Variants in LMNB1 observed in about 807,000 individuals in gnomAD.
LMNB1 encodes lamin B1.
LMNB1 carries 23 observed loss-of-function variants against 67.1 expected under a neutral mutation model. The observed-to-expected ratio is 0.34, with a 90% CI of 0.25 to 0.49. The LOEUF (loss-of-function observed/expected upper bound fraction) is 0.49. Ranked by LOEUF, LMNB1 falls within the 20% of genes least tolerant of loss-of-function variation. The pLI is 0.99. For synonymous variants in LMNB1, 281 were observed against 282.9 expected (o/e 0.99, Z 0.07); for missense variants, 634 against 746.5 (o/e 0.85, Z 1.76).
At chr5:126,833,761 G>GT (rs3840361) in intron 10 of LMNB1, among the ~76,000 whole-genome samples, 1,768 of 152,308 alleles carry the variant, frequency 0.012, 26 homozygotes, top group South Asian at 0.065. Flanking sequence ...GTCAGCATGA[G>GT]TTATATAGCA....
At chr5:126,784,738 C>G (rs1750721545) in intron 1 of LMNB1, among the ~76,000 whole-genome samples, 1 of 151,238 alleles carries the variant, frequency 6.6e-6, no homozygotes, top group African/African-American at 2.4e-5. Context: ...TCACTGCAAG[C>G]TCCACCTCCC....
intron 3 of LMNB1, 90 bp downstream of exon 3, chr5:126,805,786 G>C (rs960457906): frequency 1.1e-5 from 11 of 994,542 alleles, no homozygotes; most frequent in Non-Finnish European, 1.1e-5. Context: ...TTTTATTTAT[G>C]ATTTCTTTGC....
intron 3 of LMNB1, among the ~76,000 whole-genome samples, chr5:126,809,706 A>T (rs1751537420): frequency 6.6e-6 from 1 of 152,174 alleles, no homozygotes; most frequent in Non-Finnish European, 1.5e-5. Context: ...AAGAAAAGAA[A>T]AGAAAATAGT....
intron 8 of LMNB1, among the ~76,000 whole-genome samples, chr5:126,824,767 T>C (rs1751953668): frequency 6.6e-6 from 1 of 152,192 alleles, no homozygotes; most frequent in African/African-American, 2.4e-5. Flanking sequence ...ATCTGGATGC[T>C]TCAGGGGAAC....
chr5:126,812,735 T>TC (rs1751609545), intron 5 of LMNB1, among the ~76,000 whole-genome samples: 2 of 97,486 alleles, frequency 2.1e-5, no homozygotes, highest in Non-Finnish European at 4.5e-5. Context: ...TTTTTTTTTT[T>TC]TTTTTTTCTT....
rs964031149 is a variant in LMNB1, at chr5:126,777,883, C to T, written c.359+16C>T. ...TGCTCCTCAAGTGAGTGCTAGCTGG[C>T]GGCCGCGTTAGCGCCAAGGAGGGGC... On this transcript the variant is annotated intron_variant, in intron 1 of 10. Coordinates refer to ENST00000261366, the MANE Select transcript of LMNB1 (RefSeq NM_005573.4). The T allele has an allele frequency of 5.8e-6, 8 of 1,380,452 alleles. No homozygotes were observed. Among genetic ancestry groups the T allele is most frequent in the Middle Eastern group, 2.7e-4 (1 of 3,740 alleles). The allele number at this position is 1,380,452 out of a possible 1,614,324, so 85.5% of individuals were successfully genotyped here.
rs529421977 is a variant in LMNB1, at chr5:126,807,618, A to G, written c.642+1922A>G. 3.3e-5 allele frequency among the ~76,000 whole-genome samples: 5 copies of G among 152,314 alleles called. No individual in the cohort carries two copies. In the South Asian group the frequency reaches 6.2e-4, roughly 19 times the overall value. ...TTGCTTTGTTAAAGCAGATATTTTG[A>G]TATGAGGTTGACTTACATTTTTGTT... On this transcript the variant is annotated intron_variant, in intron 3 of 10. Coordinates refer to ENST00000261366, the MANE Select transcript of LMNB1 (RefSeq NM_005573.4).
chr5:126,777,907 G>T, intron 1 of LMNB1, 40 bp downstream of exon 1: 1 of 1,381,614 alleles, frequency 7.2e-7, no homozygotes. Flanking sequence ...CCAAGGAGGG[G>T]CGGGGGCGCA....
In LMNB1 at chr5:126,819,149, AACTTAAGGGTCAC is replaced by A. The variant is rs1224113782; in HGVS notation, c.1160+8_1160+20del. ...TAGAAGGCGAAGAAGAGAGGTAAGG[AACTTAAGGGTCAC>A]CCTACCTTATGGTCCACTTTTTGCC... On this transcript the variant is annotated splice_region_variant and intron_variant, in intron 6 of 10. Coordinates refer to ENST00000261366, the MANE Select transcript of LMNB1 (RefSeq NM_005573.4). 1 of 1,602,376 alleles carries A rather than the reference AACTTAAGGGTCAC, an allele frequency of 6.2e-7. No individual in the cohort carries two copies. The highest frequency in any genetic ancestry group is 1.7e-5 in the Admixed American group (1 of 59,864).
At chr5:126,794,857 A>G (rs904390267) in intron 1 of LMNB1, among the ~76,000 whole-genome samples, 2 of 152,178 alleles carry the variant, frequency 1.3e-5, no homozygotes, top group Admixed American at 6.5e-5. Flanking sequence ...CTCCTGTAAT[A>G]TATTTGTTTT....
intron 5 of LMNB1, among the ~76,000 whole-genome samples, chr5:126,814,877 A>AG (rs1257878277): frequency 6.6e-6 from 1 of 152,096 alleles, no homozygotes; most frequent in Non-Finnish European, 1.5e-5. Flanking sequence ...CCTGGCTGCA[A>AG]GTTTTTTTTG....
At position 126,784,695 on chromosome 5, in the gene LMNB1, G is replaced by A. The variant is rs1362838061; in HGVS notation, c.359+6828G>A. 3.5e-5 allele frequency among the ~76,000 whole-genome samples: 5 copies of A among 141,092 alleles called. No homozygotes were observed. In the East Asian group the frequency reaches 1.0e-3, roughly 30 times the overall value. The allele number at this position is 141,092 out of a possible 152,430, so 92.6% of individuals were successfully genotyped here. On this transcript the variant is annotated intron_variant, in intron 1 of 10. Coordinates refer to ENST00000261366, the MANE Select transcript of LMNB1 (RefSeq NM_005573.4). The stretch of plus-strand genomic sequence containing the variant: ...TTTTGAGACGGAGTTTTGCTCTGTC[G>A]CCCAGGCTGGAGTGCAGTGGCGCCA...
chr5:126,798,266 G>A (rs982013205), intron 1 of LMNB1, among the ~76,000 whole-genome samples: 2 of 152,136 alleles, frequency 1.3e-5, no homozygotes, highest in African/African-American at 4.8e-5. Context: ...TGGCCAACAC[G>A]GTGAAACCCC....
chr5:126,800,488 G>T (rs1751242860), intron 1 of LMNB1, among the ~76,000 whole-genome samples: 1 of 151,492 alleles, frequency 6.6e-6, no homozygotes. Flanking sequence ...GGCTCAGAAG[G>T]TCTTTAGGAC....
At position 126,804,827 on chromosome 5, in the gene LMNB1, A is replaced by T. The variant is rs1205547665; in HGVS notation, c.411A>T (p.Glu137Asp). 3 of 1,613,964 alleles carry T rather than the reference A, an allele frequency of 1.9e-6. No individual in the cohort carries two copies. The highest frequency in any genetic ancestry group is 2.5e-6 in the Non-Finnish European group (3 of 1,179,926). ...DLNGAQIKLR[E>D]YEAALNSKDA... Reference sequence around the variant, plus strand: ...ATGGCGCCCAGATCAAGCTTCGAGAATATGAAGCAGCACTGAATTCGAAAG... The same window carrying T: ...ATGGCGCCCAGATCAAGCTTCGAGATTATGAAGCAGCACTGAATTCGAAAG... The change falls in exon 2 of 11, where the codon GAA (glutamate) becomes GAT (aspartate). Residue 137 changes from glutamate (E) to aspartate (D), a missense_variant. Coordinates refer to ENST00000261366, the MANE Select transcript of LMNB1 (RefSeq NM_005573.4).
At chr5:126,819,333 G>A (rs1194707365) in intron 6 of LMNB1, 191 bp downstream of exon 6, 1 of 495,004 alleles carries the variant, frequency 2.0e-6, no homozygotes, top group East Asian at 3.2e-5. Context: ...AGTACTCTTA[G>A]TTTATTTATT....
intron 2 of LMNB1, among the ~76,000 whole-genome samples, chr5:126,805,293 ATAAC>A (rs1204925558): frequency 6.6e-6 from 1 of 152,228 alleles, no homozygotes; most frequent in Non-Finnish European, 1.5e-5. Flanking sequence ...GTTAGCTAAA[ATAAC>A]TAGTTTGATT....
chr5:126,790,986 A>C (rs1038533853), intron 1 of LMNB1, among the ~76,000 whole-genome samples: 34 of 152,034 alleles, frequency 2.2e-4, no homozygotes, highest in Non-Finnish European at 4.6e-4. Flanking sequence ...GCGCCATTGC[A>C]CTCCAGCCTG....
At chr5:126,805,798 A>G (rs1201821475) in intron 3 of LMNB1, 102 bp downstream of exon 3, 1 of 899,166 alleles carries the variant, frequency 1.1e-6, no homozygotes, top group East Asian at 2.6e-5. Flanking sequence ...TTTCTTTGCC[A>G]CAAAAATATA....
Sources: gnomAD v4.1 joint callset for allele counts (sites outside exome capture counted in the v4.1 genomes callset) on GRCh38, gnomAD v4.1.1 for gene constraint, MANE v1.5 for transcripts, NCBI Gene and HGNC (gene_info 2026-07-23, HGNC 2026-07-21) for gene names.